The following CHUK variants were observed in gnomAD, a reference collection of about 807,000 sequenced individuals.
The protein encoded by CHUK is inhibitor of nuclear factor kappa-B kinase subunit alpha.
CHUK carries 35 observed loss-of-function variants against 104.8 expected under a neutral mutation model. The ratio of observed to expected loss-of-function variants is 0.33; its 90% confidence interval spans 0.26 to 0.44. The LOEUF is 0.44. Ranked by LOEUF, CHUK falls within the 20% of genes least tolerant of loss-of-function variation. The pLI is 1.00. For missense variants in CHUK, 663 were observed against 902.7 expected, an observed-to-expected ratio of 0.73 and a Z score of 3.40; for synonymous variants, 276 against 291.9, an observed-to-expected ratio of 0.95 and a Z score of 0.56.
In CHUK at chr10:100,220,624, T is replaced by G; in HGVS notation, c.438A>C (p.Lys146Asn). The G allele has an allele frequency of 6.2e-7, 1 of 1,612,854 alleles. No individual in the cohort carries two copies. Among genetic ancestry groups the G allele is most frequent in the Non-Finnish European group, 8.5e-7 (1 of 1,178,994 alleles). Residue 146 changes from lysine to asparagine, a missense_variant, in exon 5 of 21, where the codon AAA becomes AAC. Coordinates refer to ENST00000370397, the MANE Select transcript of CHUK (RefSeq NM_001278.5). Reference protein sequence around the residue: ...HENKIIHRDLKPENIVLQDVG... With the variant: ...HENKIIHRDLNPENIVLQDVG... ...CATCCTGAAGAACTATGTTTTCAGG[T>G]TTTAGATCTCGATGTATAATTTTGT...
intron 13 of CHUK, among the ~76,000 whole-genome samples, chr10:100,202,866 C>T (rs537669403): frequency 5.3e-4 from 81 of 152,168 alleles, no homozygotes; most frequent in Non-Finnish European, 1.0e-3. Flanking sequence ...AGGGCTCAAG[C>T]GATCCTCCCA....
chr10:100,204,681 G>A (rs1162577447), intron 12 of CHUK, 24 bp from the exon 13 acceptor site: 7 of 1,554,640 alleles, frequency 4.5e-6, no homozygotes, highest in Admixed American at 3.5e-5. Context: ...AGAAAAAAAA[G>A]AAAAAGAAAA....
intron 9 of CHUK, among the ~76,000 whole-genome samples, chr10:100,217,015 T>G (rs953215308): frequency 2.0e-5 from 3 of 152,106 alleles, no homozygotes; most frequent in Non-Finnish European, 4.4e-5. Flanking sequence ...AGAGACCATT[T>G]AAAGAAAAGC....
chr10:100,215,534 A>T (rs937670665), intron 9 of CHUK, among the ~76,000 whole-genome samples: 6 of 152,046 alleles, frequency 3.9e-5, no homozygotes, highest in Non-Finnish European at 8.8e-5. Flanking sequence ...GCAAAAAAAA[A>T]TAATAATTAA....
chr10:100,226,484 AT>A (rs1461791520), intron 1 of CHUK, among the ~76,000 whole-genome samples: 1 of 152,196 alleles, frequency 6.6e-6, no homozygotes, highest in Non-Finnish European at 1.5e-5. Context: ...ATCCTAATGT[AT>A]GCATTTCAAA....
intron 16 of CHUK, among the ~76,000 whole-genome samples, chr10:100,196,494 C>G (rs1845333746): frequency 1.3e-5 from 2 of 151,532 alleles, no homozygotes; most frequent in African/African-American, 4.8e-5. Context: ...CTCAAGCGAT[C>G]CTGCTACTTC....
At chr10:100,192,491 T>C (rs1051517616) in intron 19 of CHUK, 2 of 542,996 alleles carry the variant, frequency 3.7e-6, no homozygotes, top group African/African-American at 2.1e-5. Context: ...CCATGTGCTT[T>C]TCTCTCATAA....
At chr10:100,189,699 G>C (rs1045025720) in intron 20 of CHUK, 72 bp from the exon 21 acceptor site, 1 of 1,080,258 alleles carries the variant, frequency 9.3e-7, no homozygotes, top group African/African-American at 1.6e-5. Flanking sequence ...GTTCATTTTT[G>C]CAAGTTTTCT....
intron 10 of CHUK, among the ~76,000 whole-genome samples, chr10:100,207,988 GA>G (rs1448686547): frequency 6.6e-6 from 1 of 152,024 alleles, no homozygotes; most frequent in Non-Finnish European, 1.5e-5. Flanking sequence ...GTCATAAAAA[GA>G]AAAATGGGGG....
chr10:100,217,081 G>T (rs988021543), intron 9 of CHUK, among the ~76,000 whole-genome samples: 2 of 152,144 alleles, frequency 1.3e-5, no homozygotes, highest in Non-Finnish European at 2.9e-5. Context: ...TATCCAGGCA[G>T]AAGGATAGCA....
rs556871508 is a variant in CHUK, at chr10:100,193,909, G to T, written c.1974+75C>A. 8.9e-6 allele frequency: 12 copies of T among 1,348,592 alleles called. No individual in the cohort carries two copies. The East Asian group carries it at 2.3e-4, about 26-fold the overall frequency. The allele number at this position is 1,348,592 out of a possible 1,614,324, so 83.5% of individuals were successfully genotyped here. On this transcript the variant is annotated intron_variant, in intron 18 of 20. Transcript: ENST00000370397. ...ATGTCTTCAAGAGGGCCCACCTCAT[G>T]CTGATAAAAATCCCCTTTGCAAGGA... is the stretch of plus-strand genomic sequence containing the variant.
intron 3 of CHUK, 97 bp from the exon 4 acceptor site, chr10:100,222,278 TGAG>T: frequency 1.4e-6 from 1 of 696,762 alleles, no homozygotes; most frequent in Non-Finnish European, 2.6e-6. Context: ...AATATTCAAA[TGAG>T]AAAATAAGTC....
downstream of CHUK, chr10:100,188,184 C>A (rs1845114409): frequency 6.6e-6 from 1 of 152,190 alleles, no homozygotes; most frequent in Non-Finnish European, 1.5e-5. Context: ...TAGGACATCT[C>A]AGAGGAAAAC....
intron 9 of CHUK, among the ~76,000 whole-genome samples, chr10:100,210,083 A>ATTTTT (rs201890676): frequency 1.8e-4 from 23 of 130,168 alleles, no homozygotes; most frequent in African/African-American, 7.8e-4. Flanking sequence ...TTATTTATTT[A>ATTTTT]TTTATTTATT....
intron 16 of CHUK, chr10:100,195,162 C>T (rs1415142085): frequency 1.3e-5 from 2 of 151,534 alleles, no homozygotes; most frequent in Non-Finnish European, 2.9e-5. Flanking sequence ...AATGTGACCT[C>T]GATTTTAAAA....
chr10:100,192,096 C>T (rs1339841567), intron 19 of CHUK, among the ~76,000 whole-genome samples: 2 of 152,122 alleles, frequency 1.3e-5, no homozygotes, highest in South Asian at 2.1e-4. Flanking sequence ...CCAGCCTGGG[C>T]GACAGAATGA....
intron 17 of CHUK, 40 bp from the exon 18 acceptor site, chr10:100,194,171 C>T: frequency 6.2e-7 from 1 of 1,608,402 alleles, no homozygotes; most frequent in Non-Finnish European, 8.5e-7. Flanking sequence ...TTCACATGCC[C>T]CAAGACTGTA....
At chr10:100,201,953 C>G in intron 14 of CHUK, 135 bp downstream of exon 14, 1 of 732,870 alleles carries the variant, frequency 1.4e-6, no homozygotes, top group Non-Finnish European at 2.4e-6. Context: ...TCTTTATATA[C>G]AAAGCATCTA....
chr10:100,216,257 A>C (rs371758755), intron 9 of CHUK, among the ~76,000 whole-genome samples: 1 of 152,226 alleles, frequency 6.6e-6, no homozygotes, highest in South Asian at 2.1e-4. Flanking sequence ...AATGTTTCAG[A>C]GGCAACACAG....
Sources: gnomAD v4.1 joint callset for allele counts (sites outside exome capture counted in the v4.1 genomes callset) on GRCh38, gnomAD v4.1.1 for gene constraint, MANE v1.5 for transcripts, NCBI Gene and HGNC (gene_info 2026-07-23, HGNC 2026-07-21) for gene names.